Variants in SVEP1 observed in about 807,000 individuals in gnomAD.
SVEP1 encodes the protein sushi, von Willebrand factor type A, EGF and pentraxin domain containing 1, also known as sushi, von Willebrand factor type A, EGF and pentraxin domain-containing protein 1.
A neutral mutation model predicts 367.3 loss-of-function variants in SVEP1; 164 were observed. That is an observed-to-expected ratio of 0.45 (90% CI 0.39 to 0.51). SVEP1 has a LOEUF of 0.51. SVEP1 is among the 20% of genes least tolerant of loss of function. SVEP1 has a pLI of 0.00. For synonymous variants in SVEP1, 1,666 were observed against 1,611.6 expected (o/e 1.03, Z -0.81); for missense variants, 4,117 against 4,425.3 (o/e 0.93, Z 1.98).
chr9:110,455,306 G>A (rs1392691978), intron 22 of SVEP1, among the ~76,000 whole-genome samples: 1 of 152,198 alleles, frequency 6.6e-6, no homozygotes, highest in African/African-American at 2.4e-5. Flanking sequence ...GAAGTTAAAT[G>A]TCTTGTCCAA....
chr9:110,564,897 TGTA>T (rs1386094964), intron 1 of SVEP1, among the ~76,000 whole-genome samples: 4 of 152,122 alleles, frequency 2.6e-5, no homozygotes, highest in African/African-American at 9.6e-5. Context: ...TTGAATAAAA[TGTA>T]GTCTCTGGTG....
intron 3 of SVEP1, among the ~76,000 whole-genome samples, chr9:110,515,841 G>A (rs1829792468): frequency 6.6e-6 from 1 of 152,096 alleles, no homozygotes; most frequent in Non-Finnish European, 1.5e-5. Flanking sequence ...CCTAGGGACT[G>A]TTCTATATAT....
intron 3 of SVEP1, among the ~76,000 whole-genome samples, chr9:110,524,631 C>T (rs58386395): frequency 0.021 from 3,147 of 151,810 alleles, 91 homozygotes; most frequent in African/African-American, 0.054. Context: ...ATGATGAAAA[C>T]TCTCAGAAAA....
intron 5 of SVEP1, among the ~76,000 whole-genome samples, chr9:110,506,122 T>C (rs1488443453): frequency 6.6e-6 from 1 of 152,206 alleles, no homozygotes; most frequent in Non-Finnish European, 1.5e-5. Context: ...TCCAGCTTCA[T>C]CCATGTCCCT....
rs754525738 is a variant in SVEP1, at chr9:110,440,296, CA to C, written c.4639+3248del. On this transcript the variant is annotated intron_variant, in intron 27 of 47. Transcript: ENST00000374469. ...CTATGCTACTACTTTGGGGATCAGC[CA>C]ACCATTCTTCCTCACACAAACCCCA... is the stretch of plus-strand genomic sequence containing the variant. 2.8e-4 allele frequency among the ~76,000 whole-genome samples: 42 copies of C among 152,258 alleles called. 1 individual carries two copies. Among genetic ancestry groups the C allele is most frequent in the South Asian group, 1.9e-3 (9 of 4,830 alleles).
In SVEP1 at chr9:110,479,210, G is replaced by T. The variant is rs998007370; in HGVS notation, c.2487+425C>A. On this transcript the variant is annotated intron_variant, in intron 13 of 47. Transcript: ENST00000374469. Reference sequence around the variant, plus strand: ...TGGGATTACAGGCGTGAGCCACCGCGCCTGGTCTGTTTTTTTTATAATTGT... The same window carrying T: ...TGGGATTACAGGCGTGAGCCACCGCTCCTGGTCTGTTTTTTTTATAATTGT... Among the ~76,000 whole-genome samples, 46 of 151,648 alleles carry T rather than the reference G, an allele frequency of 3.0e-4. 1 individual carries two copies. The highest frequency in any genetic ancestry group is 2.9e-3 in the Admixed American group (44 of 15,258).
At chr9:110,519,799 G>A (rs1004016833) in intron 3 of SVEP1, among the ~76,000 whole-genome samples, 1 of 152,146 alleles carries the variant, frequency 6.6e-6, no homozygotes, top group African/African-American at 2.4e-5. Context: ...AGTAGACTTG[G>A]AGTCAAGACA....
Position 110,458,972 on chromosome 9 carries a change from C to T in SVEP1, c.3464G>A (p.Arg1155Lys). The T allele has an allele frequency of 6.2e-7, 1 of 1,613,494 alleles. No homozygotes were observed. The highest frequency in any genetic ancestry group is 1.1e-5 in the South Asian group (1 of 91,038). Residue 1155 changes from arginine (R) to lysine (K), a missense_variant, in exon 19 of 48, where the codon AGA becomes AAA. Coordinates refer to ENST00000374469, the MANE Select transcript of SVEP1 (RefSeq NM_153366.4). ...FYGTTPFAGS[R>K]SITECSSFSS... ...CTTACTTGAACATTCTGTGATGGAT[C>T]TGGAACCAGCGAATGGGGTAGTTCC...
intron 3 of SVEP1, among the ~76,000 whole-genome samples, chr9:110,529,188 T>C (rs74349682): frequency 2.7e-3 from 406 of 152,152 alleles, no homozygotes; most frequent in African/African-American, 9.4e-3. Flanking sequence ...GTTGGTTGTA[T>C]TTAGCTTTAT....
At chr9:110,494,410 T>C (rs971608305) in intron 8 of SVEP1, among the ~76,000 whole-genome samples, 1 of 152,214 alleles carries the variant, frequency 6.6e-6, no homozygotes, top group Non-Finnish European at 1.5e-5. Flanking sequence ...TTCTTTTTAA[T>C]CCTTGAAAGT....
intron 28 of SVEP1, 100 bp from the exon 29 acceptor site, chr9:110,435,464 T>G: frequency 7.2e-7 from 1 of 1,397,842 alleles, no homozygotes. Flanking sequence ...ACAGATTTTT[T>G]AGAGATGGGG....
intron 3 of SVEP1, among the ~76,000 whole-genome samples, chr9:110,518,850 C>T (rs539619807): frequency 4.6e-5 from 7 of 152,130 alleles, no homozygotes; most frequent in African/African-American, 7.2e-5. Context: ...TGTGATGTTG[C>T]GACCTGAACA....
intron 5 of SVEP1, among the ~76,000 whole-genome samples, chr9:110,508,159 T>C (rs548291224): frequency 6.6e-6 from 1 of 152,312 alleles, no homozygotes; most frequent in South Asian, 2.1e-4. Flanking sequence ...TTGACTTACA[T>C]TTATGTTATC....
chr9:110,516,439 A>C, intron 3 of SVEP1, among the ~76,000 whole-genome samples: 1 of 151,926 alleles, frequency 6.6e-6, no homozygotes, highest in Non-Finnish European at 1.5e-5. Flanking sequence ...AAATAGTAAT[A>C]ATGATATAAG....
intron 36 of SVEP1, among the ~76,000 whole-genome samples, chr9:110,423,401 T>A (rs1046996834): frequency 1.3e-5 from 2 of 151,942 alleles, no homozygotes; most frequent in Admixed American, 6.6e-5. Context: ...TTAATAGACA[T>A]GTAAATAAAT....
At chr9:110,402,790 C>A (rs1827883935) in intron 39 of SVEP1, among the ~76,000 whole-genome samples, 1 of 152,052 alleles carries the variant, frequency 6.6e-6, no homozygotes, top group Non-Finnish European at 1.5e-5. Flanking sequence ...TAAAAGGGAC[C>A]ATCTGGAACC....
At chr9:110,374,186 T>C (rs1827316786) in intron 46 of SVEP1, among the ~76,000 whole-genome samples, 1 of 152,180 alleles carries the variant, frequency 6.6e-6, no homozygotes, top group South Asian at 2.1e-4. Flanking sequence ...CCAGTGTCTA[T>C]TGTTCCTACG....
rs1350186482 is a variant in SVEP1 at position 110,404,497 on chromosome 9, C to G, written c.9496G>C (p.Asp3166His). Residue 3166 changes from aspartate to histidine, a missense_variant, in exon 39 of 48, where the codon GAT becomes CAT. Transcript: ENST00000374469. ...ATTCTCTCAGGGAACCAGCGACCAT[C>G]TTTCTGACAGGTGAATGTATCTGTA... Reference protein sequence around the residue: ...TDTDTFTCQKDGRWFPERISC... With the variant: ...TDTDTFTCQKHGRWFPERISC... 6.2e-7 allele frequency: 1 copy of G among 1,613,908 alleles called. No individual in the cohort carries two copies. The highest frequency in any genetic ancestry group is 1.3e-5 in the African/African-American group (1 of 74,936).
Position 110,429,312 on chromosome 9 carries a change from C to A in SVEP1, c.5638G>T (p.Ala1880Ser). 1.3e-6 allele frequency: 2 copies of A among 1,580,152 alleles called. No individual in the cohort carries two copies. The highest frequency in any genetic ancestry group is 1.2e-5 in the South Asian group (1 of 85,464). ...TYRCNKGYTL[A>S]GDKESSCLAN... ...AGACAGGATGATTCTTTATCACCGG[C>A]CAGAGTATATCCTTTATTACACCTA... Residue 1880 changes from alanine (A) to serine (S), a missense_variant, in exon 35 of 48, where the codon GCC (alanine) becomes TCC (serine). This residue lies in a region of SVEP1 where 2,174 missense variants were observed against 2,494.3 expected (regional missense o/e 0.87). Transcript: ENST00000374469.
Sources: allele counts gnomAD v4.1 joint callset (sites outside exome capture counted in the v4.1 genomes callset), GRCh38; gene constraint gnomAD v4.1.1; regional missense constraint gnomAD v4.1.1; transcripts MANE v1.5; gene names NCBI Gene and HGNC (gene_info 2026-07-23, HGNC 2026-07-21).